Variants in MEMO1 observed in about 807,000 individuals in gnomAD.
MEMO1 encodes the protein mediator of cell motility 1.
MEMO1 carries 6 observed loss-of-function variants against 45.2 expected under a neutral mutation model. That is an observed-to-expected ratio of 0.13 (90% CI 0.07 to 0.26). The LOEUF is 0.26. Among genes scored for constraint, MEMO1 ranks in the 10% least tolerant of loss-of-function variants. The probability of loss-of-function intolerance (pLI) is 1.00; values close to 1 mark genes in which losing one functional copy is unlikely to be tolerated. For missense variants in MEMO1, 184 were observed against 370.5 expected (o/e 0.50, Z 4.13); for synonymous variants, 78 against 124.3 (o/e 0.63, Z 2.48).
rs373798777 is a variant in MEMO1, at chr2:31,943,243, C to T, written c.143+59G>A. The stretch of plus-strand genomic sequence containing the variant: ...CCATGCCACTGTACTTCAGCCTGGG[C>T]GACACAGGGAGACTCCTTCTCAAAA... On this transcript the variant is annotated intron_variant, in intron 3 of 9. Coordinates refer to ENST00000404530, the MANE Select transcript of MEMO1 (RefSeq NM_001301833.4). 541 of 1,289,622 alleles carry T rather than the reference C, an allele frequency of 4.2e-4. 3 individuals are homozygous for T. The African/African-American group carries it at 6.9e-3, about 16-fold the overall frequency. The allele number at this position is 1,289,622 out of a possible 1,614,324, so 79.9% of individuals were successfully genotyped here.
At chr2:31,953,236 G>A (rs1427074959) in intron 2 of MEMO1, among the ~76,000 whole-genome samples, 3 of 151,478 alleles carry the variant, frequency 2.0e-5, no homozygotes, top group Non-Finnish European at 4.4e-5. Context: ...CATGGTGGTC[G>A]CACACCTGTA....
intron 3 of MEMO1, among the ~76,000 whole-genome samples, chr2:31,941,168 G>A (rs977368894): frequency 2.0e-5 from 3 of 151,962 alleles, no homozygotes; most frequent in Non-Finnish European, 4.4e-5. Context: ...CTAGCCCTCC[G>A]CTGCCTATCT....
chr2:31,868,651 G>GA (rs916757592), intron 9 of MEMO1, among the ~76,000 whole-genome samples, 159 bp from the exon 10 acceptor site: 6 of 151,546 alleles, frequency 4.0e-5, no homozygotes, highest in African/African-American at 1.2e-4. Flanking sequence ...TATTAAAATA[G>GA]AAAAAAAAGA....
chr2:31,880,367 T>C (rs529239758), intron 8 of MEMO1, among the ~76,000 whole-genome samples: 3 of 152,328 alleles, frequency 2.0e-5, no homozygotes, highest in East Asian at 1.9e-4. Context: ...GGTAAAAGTA[T>C]TGGACAATAA....
At chr2:31,902,866 A>G (rs1326716842) in intron 6 of MEMO1, among the ~76,000 whole-genome samples, 2 of 152,088 alleles carry the variant, frequency 1.3e-5, no homozygotes, top group Non-Finnish European at 2.9e-5. Flanking sequence ...CTTTAAAACA[A>G]AAACAGAAAC....
chr2:31,893,334 A>T, intron 6 of MEMO1: 1 of 1,168,414 alleles, frequency 8.6e-7, no homozygotes, highest in Non-Finnish European at 1.1e-6. Context: ...ATGGAGTAAG[A>T]GAAAAAAAGG....
At chr2:31,976,816 C>T (rs562469552) in intron 2 of MEMO1, among the ~76,000 whole-genome samples, 191 of 151,962 alleles carry the variant, frequency 1.3e-3, no homozygotes, top group African/African-American at 4.2e-3. Flanking sequence ...AGATTATAAA[C>T]GAGATTTATG....
intron 4 of MEMO1, 111 bp downstream of exon 4, chr2:31,931,956 C>A: frequency 2.4e-6 from 2 of 831,612 alleles, no homozygotes; most frequent in South Asian, 3.7e-5. Context: ...AAGTCAAATC[C>A]CTCATGAAAT....
chr2:31,986,471 CAA>C (rs921075412), intron 2 of MEMO1, among the ~76,000 whole-genome samples: 1 of 150,004 alleles, frequency 6.7e-6, no homozygotes, highest in Non-Finnish European at 1.5e-5. Flanking sequence ...GACACTGTCT[CAA>C]AAAAAAATAA....
chr2:31,953,908 C>T (rs1317995939), intron 2 of MEMO1, among the ~76,000 whole-genome samples: 2 of 152,108 alleles, frequency 1.3e-5, no homozygotes, highest in South Asian at 2.1e-4. Flanking sequence ...CTCCCATTTG[C>T]TAAAATTAAA....
intron 6 of MEMO1, among the ~76,000 whole-genome samples, chr2:31,911,311 A>G (rs1680536171): frequency 1.3e-5 from 2 of 152,214 alleles, no homozygotes; most frequent in South Asian, 4.1e-4. Context: ...TAGGACATTC[A>G]AGAAAAGGCA....
At chr2:31,868,553 G>A in intron 9 of MEMO1, 61 bp from the exon 10 acceptor site, 8 of 1,457,530 alleles carry the variant, frequency 5.5e-6, no homozygotes, top group South Asian at 1.5e-5. Context: ...CACTCAATGT[G>A]TTTGCGGTTT....
intron 2 of MEMO1, among the ~76,000 whole-genome samples, chr2:31,949,993 G>GA: frequency 6.6e-6 from 1 of 152,172 alleles, no homozygotes; most frequent in East Asian, 1.9e-4. Flanking sequence ...CACTAAGAAG[G>GA]AAAAAAACCT....
chr2:31,998,208 G>T (rs1171158329), intron 2 of MEMO1, among the ~76,000 whole-genome samples: 1 of 151,990 alleles, frequency 6.6e-6, no homozygotes, highest in Admixed American at 6.6e-5. Flanking sequence ...TGTAGAGACG[G>T]GGGTCTCACT....
intron 2 of MEMO1, among the ~76,000 whole-genome samples, chr2:31,985,358 G>A (rs954139454): frequency 1.3e-5 from 2 of 152,092 alleles, no homozygotes; most frequent in African/African-American, 2.4e-5. Context: ...ATGGAGTCTC[G>A]CTCTGTCACC....
intron 2 of MEMO1, among the ~76,000 whole-genome samples, chr2:31,951,827 A>C (rs1032750539): frequency 6.6e-6 from 1 of 152,166 alleles, no homozygotes; most frequent in Admixed American, 6.6e-5. Context: ...CACCACGCCC[A>C]GCCCCATTTG....
chr2:31,871,409 T>C (rs1673707394), intron 8 of MEMO1, among the ~76,000 whole-genome samples: 2 of 152,156 alleles, frequency 1.3e-5, no homozygotes, highest in South Asian at 4.1e-4. Context: ...ATAGAAATTT[T>C]ACAGTGGCAG....
At chr2:31,954,512 G>A (rs1667190649) in intron 2 of MEMO1, among the ~76,000 whole-genome samples, 1 of 152,032 alleles carries the variant, frequency 6.6e-6, no homozygotes, top group Admixed American at 6.6e-5. Context: ...GTAGTCTACA[G>A]ACCAGAATCA....
At chr2:31,952,315 C>A (rs1666931575) in intron 2 of MEMO1, among the ~76,000 whole-genome samples, 1 of 152,086 alleles carries the variant, frequency 6.6e-6, no homozygotes, top group South Asian at 2.1e-4. Flanking sequence ...TAGCAGAGGG[C>A]AATTAACAAT....
Sources: allele counts gnomAD v4.1 joint callset (sites outside exome capture counted in the v4.1 genomes callset), GRCh38; gene constraint gnomAD v4.1.1; transcripts MANE v1.5; gene names NCBI Gene and HGNC (gene_info 2026-07-23, HGNC 2026-07-21).